The following NCOA7 variants were observed in gnomAD, a reference collection of about 807,000 sequenced individuals.
The protein encoded by NCOA7 is 140 kDa estrogen receptor-associated protein.
Under a neutral mutation model 104.3 loss-of-function variants are expected in NCOA7, and 45 were observed. The ratio of observed to expected loss-of-function variants is 0.43; its 90% CI spans 0.34 to 0.55. NCOA7 has a LOEUF of 0.55. Among genes scored for constraint, NCOA7 ranks in the 20% least tolerant of loss-of-function variants. NCOA7 has a pLI of 0.02. For synonymous variants in NCOA7, 398 were observed against 402.3 expected (o/e 0.99, Z 0.13); for missense variants, 1,041 against 1,119.7 (o/e 0.93, Z 1.00).
chr6:125,907,488 A>T (rs1336884597), intron 10 of NCOA7, among the ~76,000 whole-genome samples: 4 of 152,222 alleles, frequency 2.6e-5, no homozygotes, highest in Non-Finnish European at 5.9e-5. Flanking sequence ...GAGCGGGAAT[A>T]ACAGGGACTG....
chr6:125,825,367 C>T (rs921394657), intron 2 of NCOA7, among the ~76,000 whole-genome samples: 7 of 152,130 alleles, frequency 4.6e-5, no homozygotes, highest in African/African-American at 1.7e-4. Flanking sequence ...CCAAACCACA[C>T]ATAAAATTGA....
chr6:125,857,419 A>C (rs915414599), intron 3 of NCOA7, among the ~76,000 whole-genome samples: 7 of 141,500 alleles, frequency 4.9e-5, no homozygotes, highest in Non-Finnish European at 7.5e-5. Context: ...ATACACATAC[A>C]CACACACACA....
intron 8 of NCOA7, among the ~76,000 whole-genome samples, chr6:125,888,123 A>T (rs1784384472): frequency 6.6e-6 from 1 of 152,174 alleles, no homozygotes; most frequent in African/African-American, 2.4e-5. Flanking sequence ...AGCATCTGTT[A>T]TTAAGGAAAA....
At chr6:125,840,867 G>GTTTT (rs1305583308) in intron 2 of NCOA7, among the ~76,000 whole-genome samples, 2 of 50,656 alleles carry the variant, frequency 3.9e-5, no homozygotes, top group African/African-American at 7.4e-5. Flanking sequence ...TTGTTTGGTT[G>GTTTT]GTTTTTTTTT....
intron 2 of NCOA7, among the ~76,000 whole-genome samples, chr6:125,847,717 G>A (rs1780748317): frequency 6.6e-6 from 1 of 152,132 alleles, no homozygotes; most frequent in South Asian, 2.1e-4. Flanking sequence ...GAAAACCTAG[G>A]CAATGCCATT....
chr6:125,834,881 A>G (rs1779485695), intron 2 of NCOA7, among the ~76,000 whole-genome samples: 1 of 152,192 alleles, frequency 6.6e-6, no homozygotes, highest in Non-Finnish European at 1.5e-5. Flanking sequence ...AATAGCATTG[A>G]TTAGTGATTG....
chr6:125,857,439 A>T lies in NCOA7; in HGVS notation c.271+2199A>T, dbSNP rs529828113. On this transcript the variant is annotated intron_variant, in intron 3 of 15. Transcript: ENST00000392477. ...CATACACACACACACATATATATATATATTTTTTTTTTTAAGAGAGAAAGA... is the reference window on the plus strand; with the variant it reads ...CATACACACACACACATATATATATTTATTTTTTTTTTTAAGAGAGAAAGA... 9.9e-3 allele frequency among the ~76,000 whole-genome samples: 1,230 copies of T among 123,926 alleles called. 8 individuals are homozygous for T. The highest frequency in any genetic ancestry group is 0.016 in the South Asian group (76 of 4,684). The allele number at this position is 123,926 out of a possible 152,430, so 81.3% of individuals were successfully genotyped here.
At chr6:125,861,477 G>A (rs1562931535) in intron 3 of NCOA7, among the ~76,000 whole-genome samples, 1 of 152,048 alleles carries the variant, frequency 6.6e-6, no homozygotes, top group African/African-American at 2.4e-5. Context: ...TGGTACTTTA[G>A]ATCTTAAAAC....
chr6:125,851,993 TA>T (rs2128616870), intron 2 of NCOA7, among the ~76,000 whole-genome samples: 1 of 152,352 alleles, frequency 6.6e-6, no homozygotes, highest in South Asian at 2.1e-4. Context: ...TTCTAGATAT[TA>T]GTCCTTTGTC....
intron 1 of NCOA7, among the ~76,000 whole-genome samples, chr6:125,811,538 G>A (rs1145987): frequency 0.053 from 8,122 of 152,176 alleles, 697 homozygotes; most frequent in African/African-American, 0.18. Flanking sequence ...AGGCTTTGAA[G>A]TAGAATTGGG....
At chr6:125,888,484 T>C (rs986620874) in intron 8 of NCOA7, among the ~76,000 whole-genome samples, 2 of 151,994 alleles carry the variant, frequency 1.3e-5, no homozygotes, top group African/African-American at 4.8e-5. Context: ...AACGAGCTTT[T>C]CAAAATTAAT....
At chr6:125,859,923 A>T (rs1352996779) in intron 3 of NCOA7, among the ~76,000 whole-genome samples, 1 of 152,222 alleles carries the variant, frequency 6.6e-6, no homozygotes, top group Non-Finnish European at 1.5e-5. Flanking sequence ...AGTCACTAGA[A>T]TTGCCTCATA....
Position 125,797,433 on chromosome 6 carries a change from T to C in NCOA7, c.-65+6366T>C, listed in dbSNP as rs994791899. The stretch of plus-strand genomic sequence containing the variant: ...AATAGTGTTTGTTCAACACTGTTCA[T>C]GTGGAATTTCTGACTAGTGGGTTAT... On this transcript the variant is annotated intron_variant, in intron 1 of 15. Coordinates refer to ENST00000392477, the MANE Select transcript of NCOA7 (RefSeq NM_181782.5). 4.6e-5 allele frequency among the ~76,000 whole-genome samples: 7 copies of C among 152,238 alleles called. No homozygotes were observed. In the East Asian group the frequency reaches 7.7e-4, roughly 17 times the overall value.
chr6:125,893,910 T>C (rs1191963246), intron 10 of NCOA7, among the ~76,000 whole-genome samples: 1 of 152,160 alleles, frequency 6.6e-6, no homozygotes, highest in Non-Finnish European at 1.5e-5. Flanking sequence ...GTCAACCTTA[T>C]GTCCTCCCTG....
intron 3 of NCOA7, among the ~76,000 whole-genome samples, chr6:125,872,272 G>A (rs1005750958): frequency 1.3e-5 from 2 of 152,124 alleles, no homozygotes; most frequent in African/African-American, 4.8e-5. Context: ...TTCTTTTGTA[G>A]CTGTGCAATA....
At chr6:125,896,771 A>G (rs1170695426) in intron 10 of NCOA7, among the ~76,000 whole-genome samples, 2 of 152,240 alleles carry the variant, frequency 1.3e-5, no homozygotes, top group Non-Finnish European at 2.9e-5. Context: ...CAACCTTGAC[A>G]AAAGAGCAAG....
At position 125,862,025 on chromosome 6, in the gene NCOA7, GAAACTCTTTCTCAAAAAAAAAA is replaced by G. The variant is rs1376826863; in HGVS notation, c.271+6789_271+6810del. ...GCACTCCAGCCTGGGCAACAAGAGT[GAAACTCTTTCTCAAAAAAAAAA>G]AAAAAAAAAAAAAAAAAGAAAGTGA... On this transcript the variant is annotated intron_variant, in intron 3 of 15. Transcript: ENST00000392477. Among the ~76,000 whole-genome samples the G allele has an allele frequency of 2.4e-4, 18 of 75,582 alleles. 4 individuals are homozygous for G. The highest frequency in any genetic ancestry group is 1.1e-3 in the African/African-American group (16 of 14,196). 49.6% of individuals were successfully genotyped at this position (75,582 alleles called of 152,430 possible). A position where few individuals can be genotyped will look rare whatever the true frequency, so the allele number is the denominator to read the frequency against.
chr6:125,838,203 A>G (rs1322704017), intron 2 of NCOA7, among the ~76,000 whole-genome samples: 1 of 152,172 alleles, frequency 6.6e-6, no homozygotes, highest in African/African-American at 2.4e-5. Flanking sequence ...AATGGGGTGC[A>G]GAAGCTTCTA....
Position 125,865,839 on chromosome 6 carries a change from T to TTTTCTTTC in NCOA7, c.272-9034_272-9027dup, listed in dbSNP as rs568498594. Among the ~76,000 whole-genome samples the TTTTCTTTC allele has an allele frequency of 6.0e-5, 8 of 133,930 alleles. 1 individual carries two copies. Among genetic ancestry groups the TTTTCTTTC allele is most frequent in the African/African-American group, 2.2e-4 (7 of 31,380 alleles). The allele number at this position is 133,930 out of a possible 152,430, so 87.9% of individuals were successfully genotyped here. A position where few individuals can be genotyped will look rare whatever the true frequency, so the allele number is the denominator to read the frequency against. ...GCACCACGCCTGGCTAATTTTTATATTTTCTTTCTTTCTTTCTTTCTTTTC... is the reference window on the plus strand; with the variant it reads ...GCACCACGCCTGGCTAATTTTTATATTTTCTTTCTTTCTTTCTTTCTTTCTTTCTTTTC... On this transcript the variant is annotated intron_variant, in intron 3 of 15. Transcript: ENST00000392477.
Sources: gnomAD v4.1 joint callset for allele counts (sites outside exome capture counted in the v4.1 genomes callset) on GRCh38, gnomAD v4.1.1 for gene constraint, MANE v1.5 for transcripts, NCBI Gene and HGNC (gene_info 2026-07-23, HGNC 2026-07-21) for gene names.